The following WASHC2A variants were observed in gnomAD, a reference collection of about 807,000 sequenced individuals.
WASHC2A encodes WASH complex subunit 2A.
Under a neutral mutation model 140.3 loss-of-function variants are expected in WASHC2A, and 82 were observed. The observed-to-expected ratio is 0.58, with a 90% CI of 0.49 to 0.70. WASHC2A has a LOEUF of 0.70. Ranked by LOEUF, WASHC2A falls within the 30% of genes least tolerant of loss-of-function variation. The pLI is 0.00. For missense variants in WASHC2A, 985 were observed against 1,521.8 expected (o/e 0.65, Z 5.87); for synonymous variants, 340 against 560.8 (o/e 0.61, Z 5.56).
chr10:50,130,502 C>T (rs1843856202), intron 29 of WASHC2A, among the ~76,000 whole-genome samples: 1 of 152,052 alleles, frequency 6.6e-6, no homozygotes, highest in African/African-American at 2.4e-5. Context: ...CTGGGGACTG[C>T]AGGCACGAGG....
rs1341824897 is a variant in WASHC2A, at chr10:50,091,490, C to T, written c.903C>T (p.Ala301=). ...TGGCTGCCCGCATCAAGGGGGATGC[C>T]GTGGGTCGAGTGGACGAGGAGCCGA... is the stretch of plus-strand genomic sequence containing the variant. ...DELAARIKGD[A]VGRVDEEPTT... is the part of the protein sequence containing the mutation. The change falls in exon 10 of 31, where the codon GCC becomes GCT. Residue 301 remains alanine, a synonymous_variant. Transcript: ENST00000282633. The T allele has an allele frequency of 1.0e-5, 16 of 1,550,378 alleles. No homozygotes were observed. The highest frequency in any genetic ancestry group is 2.3e-4 in the Middle Eastern group (1 of 4,360).
At chr10:50,108,958 T>G (rs1842029239) in intron 19 of WASHC2A, among the ~76,000 whole-genome samples, 1 of 150,438 alleles carries the variant, frequency 6.6e-6, no homozygotes, top group Admixed American at 6.6e-5. Flanking sequence ...CCAGAGATTC[T>G]GAATTAATCT....
chr10:50,109,801 G>A (rs1241607515), intron 19 of WASHC2A, among the ~76,000 whole-genome samples: 1 of 151,770 alleles, frequency 6.6e-6, no homozygotes, highest in Non-Finnish European at 1.5e-5. Context: ...ACAGAGTCTC[G>A]CTCTGTCCCC....
Position 50,095,742 on chromosome 10 carries a change from T to G in WASHC2A, c.1384T>G (p.Phe462Val). Residue 462 changes from phenylalanine to valine, a missense_variant, in exon 15 of 31, where the codon TTT becomes GTT. By Grantham distance (50) the Phe-to-Val change is conservative (BLOSUM62 -1). Coordinates refer to ENST00000282633, the MANE Select transcript of WASHC2A (RefSeq NM_001005751.3). ...DDDDGDDDDD[F>V]FSAPHSKPSK... Reference sequence around the variant, plus strand: ...TGATGATGGTGATGATGATGACGACTTTTTCTCGGCACCCCACAGCAAACC... The same window carrying G: ...TGATGATGGTGATGATGATGACGACGTTTTCTCGGCACCCCACAGCAAACC... 1 of 1,611,018 alleles carries G rather than the reference T, an allele frequency of 6.2e-7. No homozygotes were observed. Among genetic ancestry groups the G allele is most frequent in the Non-Finnish European group, 8.5e-7 (1 of 1,179,488 alleles).
At chr10:50,091,258 C>T (rs1554882693) in intron 9 of WASHC2A, among the ~76,000 whole-genome samples, 173 bp from the exon 10 acceptor site, 1 of 150,264 alleles carries the variant, frequency 6.7e-6, no homozygotes, top group Non-Finnish European at 1.5e-5. Flanking sequence ...TTTATGAGTC[C>T]TATTCCTTGG....
At chr10:50,072,481 C>CTTTTTTTTTT (rs11440968) in intron 3 of WASHC2A, among the ~76,000 whole-genome samples, 3 of 90,602 alleles carry the variant, frequency 3.3e-5, no homozygotes, top group Non-Finnish European at 3.9e-5. Context: ...AGTGATCTGG[C>CTTTTTTTTTT]TTTTTTTTTT....
chr10:50,112,191 A>C, intron 20 of WASHC2A: 1 of 978,992 alleles, frequency 1.0e-6, no homozygotes, highest in African/African-American at 1.8e-5. Flanking sequence ...CCCCCACCCC[A>C]CACAAGGTCA....
chr10:50,102,725 C>A (rs1350612809), intron 17 of WASHC2A, among the ~76,000 whole-genome samples: 1 of 147,660 alleles, frequency 6.8e-6, no homozygotes, highest in Non-Finnish European at 1.5e-5. Flanking sequence ...TTTAATTGTT[C>A]GGCTCTTGTG....
At chr10:50,089,683 G>C (rs1554882063) in intron 8 of WASHC2A, among the ~76,000 whole-genome samples, 1 of 152,142 alleles carries the variant, frequency 6.6e-6, no homozygotes, top group Non-Finnish European at 1.5e-5. Context: ...GTTATTCTGC[G>C]CTTTTTTGCT....
chr10:50,127,322 T>C lies in WASHC2A; in HGVS notation c.2874+100T>C. 3 of 1,603,352 alleles carry C rather than the reference T, an allele frequency of 1.9e-6. No homozygotes were observed. The South Asian group carries it at 3.3e-5, about 18-fold the overall frequency. The stretch of plus-strand genomic sequence containing the variant: ...AGCTGCTGCCAAGCATCTTCTCATC[T>C]CTTCCCCCGCCTCCCCTCCCCTGCA... On this transcript the variant is annotated intron_variant, in intron 27 of 30. Transcript: ENST00000282633.
chr10:50,101,666 C>G (rs1409677414), intron 17 of WASHC2A, among the ~76,000 whole-genome samples: 3 of 152,264 alleles, frequency 2.0e-5, no homozygotes, highest in African/African-American at 7.2e-5. Context: ...ACGAGATGTT[C>G]TGGTTATTTG....
rs2490903 is a variant in WASHC2A, at chr10:50,126,029, G to C, written c.2689-28G>C. On this transcript the variant is annotated intron_variant, in intron 25 of 30. Transcript: ENST00000282633. The stretch of plus-strand genomic sequence containing the variant: ...CTTAAAATTTCTAAGATATTTGATG[G>C]CTTTTTGGTATTTTTTTTCTTTTGA... 24 of 1,611,324 alleles carry C rather than the reference G, an allele frequency of 1.5e-5. No homozygotes were observed. The Admixed American group carries it at 3.5e-4, about 24-fold the overall frequency.
chr10:50,115,913 T>C (rs1469376066), intron 21 of WASHC2A, among the ~76,000 whole-genome samples: 5 of 152,184 alleles, frequency 3.3e-5, no homozygotes, highest in Admixed American at 6.5e-5. Context: ...GTCAGGAGTT[T>C]AGGACCAGCC....
At chr10:50,131,130 T>A in intron 30 of WASHC2A, 52 bp downstream of exon 30, 1 of 1,611,986 alleles carries the variant, frequency 6.2e-7, no homozygotes, top group Non-Finnish European at 8.5e-7. Context: ...TTTCTGTCAC[T>A]TGGTATTTTT....
intron 17 of WASHC2A, among the ~76,000 whole-genome samples, chr10:50,100,750 G>A (rs1259919722): frequency 6.6e-6 from 1 of 152,204 alleles, no homozygotes; most frequent in Non-Finnish European, 1.5e-5. Flanking sequence ...GATGGGTTCT[G>A]GCATAGCCAT....
At chr10:50,076,811 T>A in intron 3 of WASHC2A, among the ~76,000 whole-genome samples, 1 of 141,214 alleles carries the variant, frequency 7.1e-6, no homozygotes, top group South Asian at 2.4e-4. Flanking sequence ...AAACCCCATC[T>A]CTACTAAAAA....
intron 10 of WASHC2A, among the ~76,000 whole-genome samples, chr10:50,091,728 G>A (rs1202298808): frequency 2.0e-4 from 30 of 152,114 alleles, no homozygotes; most frequent in Middle Eastern, 3.2e-3. Context: ...CAAGAAAAAC[G>A]TACATGTACA....
intron 3 of WASHC2A, among the ~76,000 whole-genome samples, chr10:50,075,470 G>C (rs150212288): frequency 6.6e-6 from 1 of 152,018 alleles, no homozygotes; most frequent in African/African-American, 2.4e-5. Context: ...TTCAGTGGTG[G>C]AGACAGCTCA....
At chr10:50,079,859 C>T (rs1449474332) in intron 4 of WASHC2A, among the ~76,000 whole-genome samples, 1 of 151,448 alleles carries the variant, frequency 6.6e-6, no homozygotes, top group African/African-American at 2.4e-5. Context: ...AAACTCAGTA[C>T]AATATTAGCT....
Sources: gnomAD v4.1 joint callset for allele counts (sites outside exome capture counted in the v4.1 genomes callset) on GRCh38, gnomAD v4.1.1 for gene constraint, MANE v1.5 for transcripts, NCBI Gene and HGNC (gene_info 2026-07-23, HGNC 2026-07-21) for gene names.